The following HTT variants were observed in gnomAD, a reference collection of about 807,000 sequenced individuals.
HTT encodes huntington disease protein.
HTT carries 104 observed loss-of-function variants against 362.3 expected under a neutral mutation model. That is an observed-to-expected ratio of 0.29 (90% CI 0.24 to 0.34). The LOEUF (loss-of-function observed/expected upper bound fraction) is 0.34. Ranked by LOEUF, HTT falls within the 10% of genes least tolerant of loss-of-function variation. The probability of loss-of-function intolerance (pLI) is 1.00; values close to 1 mark genes in which losing one functional copy is unlikely to be tolerated. For missense variants in HTT, 3,301 were observed against 3,928.6 expected (o/e 0.84, Z 4.27); for synonymous variants, 1,577 against 1,548.7 (o/e 1.02, Z -0.43).
chr4:3,156,441 C>G (rs1014515088), intron 27 of HTT, among the ~76,000 whole-genome samples: 1 of 152,098 alleles, frequency 6.6e-6, no homozygotes, highest in Admixed American at 6.6e-5. Context: ...AAAAGATGCT[C>G]TTTTCTAAGG....
chr4:3,114,691 C>T (rs1395987224), intron 6 of HTT, among the ~76,000 whole-genome samples: 1 of 152,172 alleles, frequency 6.6e-6, no homozygotes, highest in Admixed American at 6.5e-5. Context: ...AGCTGGGTCA[C>T]CCCTTTTCAA....
rs1159399170 is a variant in HTT at position 3,206,075 on chromosome 4, A to G, written c.5719-421A>G. Among the ~76,000 whole-genome samples, 1 of 152,244 alleles carries G rather than the reference A, an allele frequency of 6.6e-6. No homozygotes were observed. The highest frequency in any genetic ancestry group is 1.9e-4 in the East Asian group (1 of 5,202). ...CTATCACAAAATTGGAAAAAGAGTAATTGGAGAACCCCACTGGCTTAGCCG... is the reference window on the plus strand; with the variant it reads ...CTATCACAAAATTGGAAAAAGAGTAGTTGGAGAACCCCACTGGCTTAGCCG... On this transcript the variant is annotated intron_variant, in intron 42 of 66. Transcript: ENST00000355072. The surrounding 1 kb of genome is among the most constrained non-coding windows in gnomAD (Gnocchi z 4.6).
intron 56 of HTT, among the ~76,000 whole-genome samples, chr4:3,225,157 G>A (rs538157719): frequency 1.3e-5 from 2 of 151,966 alleles, no homozygotes; most frequent in African/African-American, 4.8e-5. Context: ...TGGGGCGTGG[G>A]GGGGTGTGAA....
intron 35 of HTT, among the ~76,000 whole-genome samples, chr4:3,179,099 A>T (rs1718376969): frequency 6.6e-6 from 1 of 152,202 alleles, no homozygotes; most frequent in Non-Finnish European, 1.5e-5. Context: ...TGACAGGGAC[A>T]CATCCTAAGA....
chr4:3,145,058 C>G, intron 23 of HTT, 94 bp from the exon 24 acceptor site: 3 of 961,850 alleles, frequency 3.1e-6, no homozygotes, highest in Non-Finnish European at 5.1e-6. Flanking sequence ...GTTTTCTTCT[C>G]ATTGTTTGTA....
At chr4:3,150,971 G>A (rs545596473) in intron 26 of HTT, among the ~76,000 whole-genome samples, 168 of 152,198 alleles carry the variant, frequency 1.1e-3, no homozygotes, top group African/African-American at 3.7e-3. Context: ...CCTGGGAGGC[G>A]GAGCTTGCAG....
intron 2 of HTT, among the ~76,000 whole-genome samples, chr4:3,095,393 G>A (rs1713804806): frequency 6.6e-6 from 1 of 152,248 alleles, no homozygotes; most frequent in Non-Finnish European, 1.5e-5. Context: ...AGACATGGCG[G>A]TGCGTGCCTG....
At chr4:3,137,554 T>C (rs1381084302) in intron 21 of HTT, among the ~76,000 whole-genome samples, 106 of 152,090 alleles carry the variant, frequency 7.0e-4, no homozygotes, top group Admixed American at 2.3e-3. Flanking sequence ...CAAAAATTAG[T>C]CGGATGTGGT....
intron 4 of HTT, 56 bp from the exon 5 acceptor site, chr4:3,105,301 A>T: frequency 8.6e-7 from 1 of 1,158,054 alleles, no homozygotes; most frequent in Non-Finnish European, 1.3e-6. Flanking sequence ...TTTCTATGCA[A>T]CCCTCTTGGT....
intron 45 of HTT, 81 bp from the exon 46 acceptor site, chr4:3,208,692 C>A: frequency 7.6e-7 from 1 of 1,307,870 alleles, no homozygotes; most frequent in Middle Eastern, 2.1e-4. Context: ...TTTCTAGAAT[C>A]CTAGTGTGCA....
intron 45 of HTT, 72 bp downstream of exon 45, chr4:3,207,429 A>T: frequency 7.9e-7 from 1 of 1,269,746 alleles, no homozygotes; most frequent in South Asian, 1.3e-5. Context: ...TTTGTACGGG[A>T]ATAAATTCAC....
chr4:3,178,196 G>A (rs1476282306), intron 34 of HTT, 102 bp from the exon 35 acceptor site: 13 of 891,750 alleles, frequency 1.5e-5, no homozygotes, highest in Non-Finnish European at 2.0e-5. Context: ...AGCTTGATGT[G>A]TGCTTGCTGT....
At chr4:3,209,189 G>A (rs1370639474) in intron 46 of HTT, among the ~76,000 whole-genome samples, 1 of 152,186 alleles carries the variant, frequency 6.6e-6, no homozygotes, top group Non-Finnish European at 1.5e-5. Flanking sequence ...TGACTGCACA[G>A]GCCTTCAAGC....
intron 44 of HTT, 111 bp from the exon 45 acceptor site, chr4:3,207,170 C>A: frequency 9.1e-7 from 1 of 1,095,454 alleles, no homozygotes; most frequent in Non-Finnish European, 1.4e-6. Flanking sequence ...TTTTTCTAGT[C>A]TGCCCTTACT....
chr4:3,122,995 G>A (rs1715361564), intron 10 of HTT, 59 bp downstream of exon 10: 3 of 1,314,524 alleles, frequency 2.3e-6, no homozygotes, highest in Non-Finnish European at 3.3e-6. Context: ...TTGTATTTCT[G>A]TAATGTAATG....
rs777355677 is a variant in HTT, at chr4:3,127,360, G to A, written c.1499G>A (p.Arg500Gln). The change falls in exon 12 of 67, where the codon CGG (arginine) becomes CAG (glutamine). Residue 500 changes from arginine to glutamine, a missense_variant. Arg to Gln is a conservative substitution (Grantham distance 43). Around this residue, in one of 4 missense-constraint regions of HTT, gnomAD observed 2,316 missense variants for 2,658.5 expected, o/e 0.87. Coordinates refer to ENST00000355072, the MANE Select transcript of HTT (RefSeq NM_001388492.1). ...CATGACATCATCACAGAACAGCCAC[G>A]GTCACAGCACACACTGCAGGCGGAC... ...AGHDIITEQP[R>Q]SQHTLQADSV... 3.1e-6 allele frequency: 5 copies of A among 1,614,028 alleles called. No individual in the cohort carries two copies. The highest frequency in any genetic ancestry group is 1.1e-5 in the South Asian group (1 of 91,084).
intron 29 of HTT, among the ~76,000 whole-genome samples, chr4:3,160,743 A>T (rs1275331006): frequency 7.2e-5 from 11 of 151,822 alleles, no homozygotes; most frequent in African/African-American, 2.4e-4. Context: ...GCGGGGCGGG[A>T]GGTGTGACTT....
At chr4:3,225,884 C>G in intron 57 of HTT, 141 bp downstream of exon 57, 1 of 635,826 alleles carries the variant, frequency 1.6e-6, no homozygotes, top group African/African-American at 1.8e-5. Flanking sequence ...ATTTAATGTT[C>G]ATTGTTTTTA....
intron 6 of HTT, among the ~76,000 whole-genome samples, chr4:3,111,465 ATTACAGGC>A (rs1233850096): frequency 1.3e-5 from 2 of 152,164 alleles, no homozygotes; most frequent in East Asian, 3.8e-4. Context: ...AAGTGCCGGG[ATTACAGGC>A]GTGAGCCCAT....
Sources: allele counts gnomAD v4.1 joint callset (sites outside exome capture counted in the v4.1 genomes callset), GRCh38; gene constraint gnomAD v4.1.1; regional missense constraint gnomAD v4.1.1; non-coding constraint Gnocchi (gnomAD v3.1); transcripts MANE v1.5; gene names NCBI Gene and HGNC (gene_info 2026-07-23, HGNC 2026-07-21).